The following RYR2 variants were observed in gnomAD, a reference collection of about 807,000 sequenced individuals.
RYR2 encodes the protein ryanodine receptor 2, also known as cardiac muscle ryanodine receptor-calcium release channel.
In RYR2, 227 loss-of-function variants were observed where a neutral mutation model predicts 601.1. The ratio of observed to expected loss-of-function variants is 0.38; its 90% CI spans 0.34 to 0.42. The LOEUF (loss-of-function observed/expected upper bound fraction) is 0.42. Among genes scored for constraint, RYR2 ranks in the 10% least tolerant of loss-of-function variants. The pLI is 1.00. For missense variants in RYR2, 4,646 were observed against 6,156.5 expected (o/e 0.75, Z 8.21); for synonymous variants, 2,223 against 2,175.1 (o/e 1.02, Z -0.61).
At chr1:237,295,141 A>G (rs1406186478) in intron 2 of RYR2, among the ~76,000 whole-genome samples, 1 of 152,134 alleles carries the variant, frequency 6.6e-6, no homozygotes, top group African/African-American at 2.4e-5. Flanking sequence ...ACTTAAGCCT[A>G]GGAATTTGAG....
chr1:237,345,209 A>C (rs1446861678), intron 3 of RYR2, among the ~76,000 whole-genome samples: 9 of 152,118 alleles, frequency 5.9e-5, no homozygotes, highest in Admixed American at 5.9e-4. Flanking sequence ...AAATTTTAAA[A>C]TCAGTTTGTA....
At chr1:237,599,757 A>G (rs1676287617) in intron 34 of RYR2, among the ~76,000 whole-genome samples, 1 of 145,286 alleles carries the variant, frequency 6.9e-6, no homozygotes, top group African/African-American at 2.6e-5. Flanking sequence ...CAGGAGGCAG[A>G]GGTTGCAGTG....
intron 63 of RYR2, among the ~76,000 whole-genome samples, chr1:237,693,358 T>C (rs1036175904): frequency 6.6e-6 from 1 of 152,224 alleles, no homozygotes; most frequent in Non-Finnish European, 1.5e-5. Context: ...CCAGGAACTA[T>C]TTGAAAAGGC....
Position 237,473,474 on chromosome 1 carries a change from T to A in RYR2, c.1708+4287T>A, listed in dbSNP as rs1156823783. Among the ~76,000 whole-genome samples the A allele has an allele frequency of 2.0e-5, 3 of 150,414 alleles. No individual in the cohort carries two copies. In the Admixed American group the frequency reaches 2.0e-4, roughly 10 times the overall value. ...CTTTCTTTCTTTCTATCTATCTATC[T>A]ATCTGGCATATATGTACTTATTAAA... On this transcript the variant is annotated intron_variant, in intron 17 of 104. Transcript: ENST00000366574.
chr1:237,482,625 C>T (rs1384051179), intron 17 of RYR2, among the ~76,000 whole-genome samples: 2 of 152,074 alleles, frequency 1.3e-5, no homozygotes, highest in Admixed American at 1.3e-4. Flanking sequence ...TAGGTTGCTT[C>T]CAAATCATTG....
In RYR2 at chr1:237,789,876, C is replaced by T. The variant is rs144750897; in HGVS notation, c.13477-1553C>T. Among the ~76,000 whole-genome samples the T allele has an allele frequency of 3.7e-3, 570 of 152,354 alleles. 3 individuals carry two copies. Among genetic ancestry groups the T allele is most frequent in the African/African-American group, 0.013 (525 of 41,586 alleles). On this transcript the variant is annotated intron_variant, in intron 92 of 104. Transcript: ENST00000366574. ...GAGCTCAGCCTAGCTAACTCAGCCT[C>T]TGTGACCCAGATCCACCTTCCAAGG... is the stretch of plus-strand genomic sequence containing the variant.
chr1:237,282,446 C>T (rs942741730), intron 2 of RYR2, among the ~76,000 whole-genome samples: 2 of 151,972 alleles, frequency 1.3e-5, no homozygotes, highest in African/African-American at 2.4e-5. Context: ...CCATTCTTAA[C>T]TCTTGGGCTG....
chr1:237,151,662 T>G (rs1342111426), intron 1 of RYR2, among the ~76,000 whole-genome samples: 1 of 152,164 alleles, frequency 6.6e-6, no homozygotes, highest in Non-Finnish European at 1.5e-5. Context: ...AGTGCTAACT[T>G]AGCCATTGTT....
intron 56 of RYR2, among the ~76,000 whole-genome samples, chr1:237,665,034 T>C (rs1244411724): frequency 6.6e-6 from 1 of 152,242 alleles, no homozygotes; most frequent in Non-Finnish European, 1.5e-5. Flanking sequence ...TCAGGCACTT[T>C]GCTAAGGATT....
intron 12 of RYR2, among the ~76,000 whole-genome samples, chr1:237,437,410 G>A (rs546010130): frequency 1.7e-4 from 26 of 152,218 alleles, no homozygotes; most frequent in African/African-American, 5.8e-4. Flanking sequence ...ACTTACGAAT[G>A]GGATTATTTG....
intron 9 of RYR2, among the ~76,000 whole-genome samples, 191 bp downstream of exon 9, chr1:237,387,571 A>G (rs1438783450): frequency 2.0e-5 from 3 of 152,170 alleles, no homozygotes; most frequent in African/African-American, 7.2e-5. Context: ...GGTGAAGATT[A>G]ATCTTCCCTT....
intron 1 of RYR2, among the ~76,000 whole-genome samples, chr1:237,107,213 A>G (rs905642944): frequency 6.6e-6 from 1 of 152,180 alleles, no homozygotes; most frequent in Non-Finnish European, 1.5e-5. Context: ...TTAACTTAGA[A>G]GTTATAGATG....
chr1:237,064,173 T>G (rs1210507216), intron 1 of RYR2, among the ~76,000 whole-genome samples: 2 of 152,210 alleles, frequency 1.3e-5, no homozygotes, highest in Non-Finnish European at 2.9e-5. Context: ...TTCTGTATTT[T>G]CATTCCTTTT....
At chr1:237,388,869 G>A (rs1378157654) in intron 10 of RYR2, among the ~76,000 whole-genome samples, 1 of 152,162 alleles carries the variant, frequency 6.6e-6, no homozygotes, top group Non-Finnish European at 1.5e-5. Context: ...GGTTTGTTAT[G>A]TATCTTTAAA....
chr1:237,356,586 G>A (rs1699316115), intron 4 of RYR2, among the ~76,000 whole-genome samples: 1 of 151,988 alleles, frequency 6.6e-6, no homozygotes, highest in African/African-American at 2.4e-5. Flanking sequence ...AAGCAGTGAA[G>A]GTGAATGACC....
At chr1:237,486,829 G>C (rs1332261719) in intron 17 of RYR2, among the ~76,000 whole-genome samples, 4 of 151,898 alleles carry the variant, frequency 2.6e-5, no homozygotes, top group African/African-American at 7.3e-5. Context: ...ATAACTTCTG[G>C]TCTTTTTTAA....
Position 237,417,112 on chromosome 1 carries a change from G to T in RYR2, c.837G>T (p.Thr279=), listed in dbSNP as rs769682840. ...VHARSLWRLE[T]LRVAWSGSHI... is the part of the protein sequence containing the mutation. The stretch of plus-strand genomic sequence containing the variant: ...CACGTTCCCTTTGGAGACTAGAGAC[G>T]CTAAGAGTTGCGTAAGTAGAACTTC... The change falls in exon 11 of 105, where the codon ACG becomes ACT. Residue 279 remains threonine (T), a synonymous_variant. Coordinates refer to ENST00000366574, the MANE Select transcript of RYR2 (RefSeq NM_001035.3). 3 of 1,613,058 alleles carry T rather than the reference G, an allele frequency of 1.9e-6. No homozygotes were observed. The highest frequency in any genetic ancestry group is 2.5e-6 in the Non-Finnish European group (3 of 1,179,130).
chr1:237,711,362 CAGAAT>C (rs1381536407), intron 70 of RYR2, among the ~76,000 whole-genome samples: 1 of 152,134 alleles, frequency 6.6e-6, no homozygotes, highest in African/African-American at 2.4e-5. Flanking sequence ...AAAAATCTGA[CAGAAT>C]AGAAAGTTAC....
At chr1:237,281,640 T>G (rs1690880634) in intron 2 of RYR2, among the ~76,000 whole-genome samples, 1 of 152,240 alleles carries the variant, frequency 6.6e-6, no homozygotes, top group Non-Finnish European at 1.5e-5. Flanking sequence ...TCTGCTCTGC[T>G]GCATCCCGTC....
Sources: gnomAD v4.1 joint callset for allele counts (sites outside exome capture counted in the v4.1 genomes callset) on GRCh38, gnomAD v4.1.1 for gene constraint, MANE v1.5 for transcripts, NCBI Gene and HGNC (gene_info 2026-07-23, HGNC 2026-07-21) for gene names.